The following TBC1D5 variants were observed in gnomAD, a reference collection of about 807,000 sequenced individuals.
TBC1D5 encodes TBC1 domain family member 5.
In TBC1D5, 75 loss-of-function variants were observed where a neutral mutation model predicts 100.3. That is an observed-to-expected ratio of 0.75 (90% CI 0.62 to 0.91). The LOEUF (loss-of-function observed/expected upper bound fraction) is 0.91, where lower values mean the gene tolerates loss of function less well. Among genes scored for constraint, TBC1D5 ranks in the 40% least tolerant of loss-of-function variants. The probability of loss-of-function intolerance (pLI) is 0.00; values close to 1 mark genes in which losing one functional copy is unlikely to be tolerated. For missense variants in TBC1D5, 910 were observed against 942.4 expected, an observed-to-expected ratio of 0.97 and a Z score of 0.45; for synonymous variants, 323 against 325.6, an observed-to-expected ratio of 0.99 and a Z score of 0.09.
At chr3:17,446,197 T>G (rs1443026471) in intron 3 of TBC1D5, among the ~76,000 whole-genome samples, 3 of 152,184 alleles carry the variant, frequency 2.0e-5, no homozygotes, top group African/African-American at 7.2e-5. Context: ...AGACATACTT[T>G]TTATTTTAAG....
intron 4 of TBC1D5, among the ~76,000 whole-genome samples, chr3:17,413,863 G>A (rs1489835723): frequency 1.3e-5 from 2 of 152,180 alleles, no homozygotes; most frequent in Non-Finnish European, 2.9e-5. Context: ...ATAGCAAAGA[G>A]TTCAGGGCCT....
intron 13 of TBC1D5, among the ~76,000 whole-genome samples, chr3:17,364,736 G>T (rs1472657902): frequency 6.6e-6 from 1 of 152,024 alleles, no homozygotes; most frequent in African/African-American, 2.4e-5. Flanking sequence ...CATCTATTAT[G>T]CTTCCTTTGT....
At chr3:17,526,554 G>A (rs2096138294) in intron 2 of TBC1D5, among the ~76,000 whole-genome samples, 1 of 152,140 alleles carries the variant, frequency 6.6e-6, no homozygotes, top group African/African-American at 2.4e-5. Context: ...TTGAGGAACT[G>A]TCCTCACCAT....
chr3:17,199,475 A>G (rs1014154455), intron 18 of TBC1D5, among the ~76,000 whole-genome samples: 6 of 152,250 alleles, frequency 3.9e-5, no homozygotes, highest in Non-Finnish European at 5.9e-5. Context: ...TTTTCACATC[A>G]TGATACATGA....
chr3:17,164,300 C>T (rs1183184066), intron 21 of TBC1D5, among the ~76,000 whole-genome samples: 6 of 152,220 alleles, frequency 3.9e-5, no homozygotes, highest in African/African-American at 1.4e-4. Flanking sequence ...GCAGGGGAGC[C>T]TGGCCCTTCT....
chr3:17,594,865 G>C (rs539011352), intron 2 of TBC1D5, among the ~76,000 whole-genome samples: 1 of 152,284 alleles, frequency 6.6e-6, no homozygotes, highest in South Asian at 2.1e-4. Flanking sequence ...TTAATACGGA[G>C]TGTCAACTTG....
At chr3:17,252,680 T>C (rs1246160185) in intron 16 of TBC1D5, among the ~76,000 whole-genome samples, 1 of 152,214 alleles carries the variant, frequency 6.6e-6, no homozygotes, top group Non-Finnish European at 1.5e-5. Context: ...TGCCTCAGCT[T>C]AGGAGTGCTC....
chr3:17,480,220 G>A (rs2095485921), intron 3 of TBC1D5, among the ~76,000 whole-genome samples: 1 of 151,424 alleles, frequency 6.6e-6, no homozygotes, highest in Middle Eastern at 3.4e-3. Flanking sequence ...GCTAAGGGTG[G>A]CTCAGCATGT....
rs368764187 is a variant in TBC1D5, at chr3:17,485,181, A to G, written c.97+23293T>C. Among the ~76,000 whole-genome samples, 6 of 152,200 alleles carry G rather than the reference A, an allele frequency of 3.9e-5. No individual in the cohort carries two copies. The East Asian group carries it at 1.2e-3, about 29-fold the overall frequency. Reference sequence around the variant, plus strand: ...AATAAGGAATGGGTTTATTTTTTTAAAGTAATTGTGAAGTTTGTGATTCCT... The same window carrying G: ...AATAAGGAATGGGTTTATTTTTTTAGAGTAATTGTGAAGTTTGTGATTCCT... On this transcript the variant is annotated intron_variant, in intron 3 of 21. Coordinates refer to ENST00000253692, the Ensembl canonical transcript of TBC1D5.
chr3:17,284,089 T>TACACACACATAC (rs1553651823), intron 15 of TBC1D5, among the ~76,000 whole-genome samples: 2 of 132,718 alleles, frequency 1.5e-5, no homozygotes, highest in African/African-American at 6.0e-5. Flanking sequence ...CTCATTATTT[T>TACACACACATAC]ACACACACAC....
intron 16 of TBC1D5, among the ~76,000 whole-genome samples, chr3:17,247,747 C>A (rs1227359930): frequency 6.6e-6 from 1 of 152,240 alleles, no homozygotes; most frequent in African/African-American, 2.4e-5. Context: ...AACCCTACTG[C>A]TGGTTTATCA....
intron 2 of TBC1D5, among the ~76,000 whole-genome samples, chr3:17,548,469 T>C (rs898518588): frequency 2.6e-5 from 4 of 151,848 alleles, no homozygotes; most frequent in East Asian, 1.9e-4. Context: ...AAAGGAAAAA[T>C]ACAGGGCGGG....
chr3:17,722,346 G>C (rs2075776690), intron 1 of TBC1D5, among the ~76,000 whole-genome samples: 1 of 151,840 alleles, frequency 6.6e-6, no homozygotes, highest in Non-Finnish European at 1.5e-5. Flanking sequence ...GACATATCCT[G>C]GAGATGGGAC....
intron 1 of TBC1D5, among the ~76,000 whole-genome samples, chr3:17,704,047 T>C (rs1176896010): frequency 7.0e-6 from 1 of 143,766 alleles, no homozygotes; most frequent in Non-Finnish European, 1.5e-5. Flanking sequence ...TCTCTGGTTT[T>C]CCTAGGCAGA....
intron 2 of TBC1D5, among the ~76,000 whole-genome samples, chr3:17,540,141 T>C (rs2096334860): frequency 1.3e-5 from 2 of 152,254 alleles, no homozygotes; most frequent in South Asian, 4.1e-4. Flanking sequence ...GTATATTTTC[T>C]TTGGAGAAAT....
chr3:17,461,055 A>G (rs974931796), intron 3 of TBC1D5, among the ~76,000 whole-genome samples: 4 of 152,216 alleles, frequency 2.6e-5, no homozygotes, highest in African/African-American at 9.6e-5. Context: ...TCAGGTAACT[A>G]TTTATGATAA....
At chr3:17,646,623 G>A (rs2065041214) in intron 1 of TBC1D5, among the ~76,000 whole-genome samples, 1 of 152,034 alleles carries the variant, frequency 6.6e-6, no homozygotes, top group South Asian at 2.1e-4. Context: ...TCACCATCAT[G>A]CCCCTGGACT....
intron 15 of TBC1D5, among the ~76,000 whole-genome samples, chr3:17,289,412 C>T (rs958209893): frequency 1.3e-5 from 2 of 151,968 alleles, no homozygotes; most frequent in African/African-American, 2.4e-5. Context: ...AGAGATCCTG[C>T]GTCAATTCAA....
chr3:17,418,063 G>C (rs990541651), intron 4 of TBC1D5, among the ~76,000 whole-genome samples: 1 of 151,988 alleles, frequency 6.6e-6, no homozygotes. Context: ...GTCTCTCTCA[G>C]AACATAACAT....
Sources: allele counts gnomAD v4.1 joint callset (sites outside exome capture counted in the v4.1 genomes callset), GRCh38; gene constraint gnomAD v4.1.1; transcripts MANE v1.5; gene names NCBI Gene and HGNC (gene_info 2026-07-23, HGNC 2026-07-21).